SMIM36: variants seen among roughly 807,000 people sequenced by gnomAD.
The protein encoded by SMIM36 is small integral membrane protein 36.
chr17:55,478,567 A>G lies in SMIM36; in HGVS notation c.*347+195T>C, dbSNP rs190858756. On this transcript the variant is annotated intron_variant, in intron 3 of 4. Transcript: ENST00000636752. The stretch of plus-strand genomic sequence containing the variant: ...TTTATTTAGTCTTAGATCTCCAACC[A>G]TCTGGTAGGATTTAGGAATAATAGT... 8.4e-3 allele frequency among the ~76,000 whole-genome samples: 1,279 copies of G among 152,210 alleles called. 22 individuals are homozygous for G. The highest frequency in any genetic ancestry group is 0.029 in the African/African-American group (1,203 of 41,524).
chr17:55,530,740 G>A, the SMIM36 span, among the ~76,000 whole-genome samples: 2 of 152,000 alleles, frequency 1.3e-5, no homozygotes, highest in African/African-American at 2.4e-5. Context: ...CCGAGATCGT[G>A]CCACTGTACT....
chr17:55,463,198 T>C (rs752081169), intron 4 of SMIM36, among the ~76,000 whole-genome samples: 3 of 152,092 alleles, frequency 2.0e-5, no homozygotes, highest in Non-Finnish European at 4.4e-5. Flanking sequence ...ATTTTTCCTA[T>C]ACATAATGTC....
At chr17:55,529,125 T>C in the SMIM36 span, among the ~76,000 whole-genome samples, 1 of 152,186 alleles carries the variant, frequency 6.6e-6, no homozygotes. Flanking sequence ...GAAGAACTCA[T>C]AGATGTTGAC....
At chr17:55,491,557 C>T (rs4479313) in intron 1 of SMIM36, among the ~76,000 whole-genome samples, 1 of 152,112 alleles carries the variant, frequency 6.6e-6, no homozygotes, top group South Asian at 2.1e-4. Context: ...ACCTTTCAGT[C>T]TTCCTTGTAG....
At chr17:55,472,644 G>A (rs923841676) in intron 3 of SMIM36, among the ~76,000 whole-genome samples, 1 of 152,144 alleles carries the variant, frequency 6.6e-6, no homozygotes, top group African/African-American at 2.4e-5. Context: ...AGGCTGAGGC[G>A]GGCGGATCAC....
At chr17:55,516,903 G>A in the SMIM36 span, among the ~76,000 whole-genome samples, 2 of 152,082 alleles carry the variant, frequency 1.3e-5, no homozygotes, top group Non-Finnish European at 2.9e-5. Flanking sequence ...GAATTCTAAG[G>A]GGAGGTGACA....
chr17:55,485,011 A>C (rs1909580660), intron 1 of SMIM36, among the ~76,000 whole-genome samples: 1 of 152,240 alleles, frequency 6.6e-6, no homozygotes, highest in Non-Finnish European at 1.5e-5. Flanking sequence ...GATACCAAGA[A>C]ATCCTTATGT....
At chr17:55,519,466 C>G in the SMIM36 span, among the ~76,000 whole-genome samples, 1 of 152,054 alleles carries the variant, frequency 6.6e-6, no homozygotes, top group Admixed American at 6.6e-5. Context: ...AGTTGGCACA[C>G]TGGGAGGACT....
chr17:55,474,585 GT>G (rs1909398174), intron 3 of SMIM36, among the ~76,000 whole-genome samples: 1 of 152,174 alleles, frequency 6.6e-6, no homozygotes, highest in African/African-American at 2.4e-5. Context: ...CGGCACTTTG[GT>G]TTTTGTTTTT....
chr17:55,528,512 C>A, the SMIM36 span, among the ~76,000 whole-genome samples: 1 of 151,488 alleles, frequency 6.6e-6, no homozygotes, highest in African/African-American at 2.4e-5. Flanking sequence ...CCACCAAGCA[C>A]AAGCACAGCT....
At position 55,452,171 on chromosome 17, in the gene SMIM36, T is replaced by C. The variant is rs79547899; in HGVS notation, c.*532-1873A>G. 8.1e-3 allele frequency among the ~76,000 whole-genome samples: 1,234 copies of C among 152,074 alleles called. 18 individuals are homozygous for C. Among genetic ancestry groups the C allele is most frequent in the African/African-American group, 0.028 (1,169 of 41,456 alleles). Reference sequence around the variant, plus strand: ...GGCATATTTGACCCACATATGGTTTTAATAAGCCCAAGTGTATTTGGCCAT... The same window carrying C: ...GGCATATTTGACCCACATATGGTTTCAATAAGCCCAAGTGTATTTGGCCAT... On this transcript the variant is annotated intron_variant, in intron 4 of 4. Coordinates refer to ENST00000636752, the Ensembl canonical transcript of SMIM36.
intron 4 of SMIM36, among the ~76,000 whole-genome samples, 172 bp downstream of exon 4, chr17:55,466,973 G>A (rs1909250991): frequency 6.6e-6 from 1 of 152,164 alleles, no homozygotes; most frequent in Non-Finnish European, 1.5e-5. Context: ...AACAGAAGGG[G>A]GAAATGAGGC....
chr17:55,476,022 C>A (rs958501926), intron 3 of SMIM36, among the ~76,000 whole-genome samples: 1 of 152,102 alleles, frequency 6.6e-6, no homozygotes, highest in Non-Finnish European at 1.5e-5. Context: ...TTTTCGCCAC[C>A]CCAACATTTC....
intron 4 of SMIM36, among the ~76,000 whole-genome samples, chr17:55,455,668 G>A (rs1002000193): frequency 6.6e-6 from 1 of 152,044 alleles, no homozygotes; most frequent in African/African-American, 2.4e-5. Context: ...GAGCATGCCT[G>A]TGGTTTCAGC....
the SMIM36 span, among the ~76,000 whole-genome samples, chr17:55,525,070 T>A: frequency 6.6e-6 from 1 of 152,206 alleles, no homozygotes; most frequent in Admixed American, 6.5e-5. Context: ...AAGGCTTGAA[T>A]CTAGGCAGTG....
Position 55,501,422 on chromosome 17 carries a change from A to T in SMIM36, c.*174+9457T>A, listed in dbSNP as rs9748107. On this transcript the variant is annotated intron_variant, in intron 1 of 4. Coordinates refer to ENST00000636752, the Ensembl canonical transcript of SMIM36. ...TATATTATTATATATTATAAAATATAATATATTATTATATATTATAAAATA... is the reference window on the plus strand; with the variant it reads ...TATATTATTATATATTATAAAATATTATATATTATTATATATTATAAAATA... 5.8e-4 allele frequency among the ~76,000 whole-genome samples: 16 copies of T among 27,684 alleles called. 1 individual carries two copies. The highest frequency in any genetic ancestry group is 2.9e-3 in the African/African-American group (12 of 4,090). 18.2% of individuals were successfully genotyped at this position (27,684 alleles called of 152,430 possible). A position where few individuals can be genotyped will look rare whatever the true frequency, so the allele number is the denominator to read the frequency against.
intron 1 of SMIM36, among the ~76,000 whole-genome samples, chr17:55,509,680 G>A (rs1203961188): frequency 6.6e-6 from 1 of 152,176 alleles, no homozygotes; most frequent in Non-Finnish European, 1.5e-5. Context: ...TTCCACACAG[G>A]TCCTGATGGA....
At chr17:55,502,136 G>A (rs1207163735) in intron 1 of SMIM36, among the ~76,000 whole-genome samples, 24 of 149,724 alleles carry the variant, frequency 1.6e-4, no homozygotes, top group African/African-American at 5.9e-4. Context: ...AGGCGGCAGC[G>A]AGGCTGGGGG....
intron 1 of SMIM36, among the ~76,000 whole-genome samples, chr17:55,507,417 T>C (rs1910092844): frequency 7.6e-6 from 1 of 132,156 alleles, no homozygotes; most frequent in Non-Finnish European, 1.6e-5. Flanking sequence ...GATGAGTTCA[T>C]GTCCTTTGTA....
Sources: allele counts gnomAD v4.1 joint callset (sites outside exome capture counted in the v4.1 genomes callset), GRCh38; gene constraint gnomAD v4.1.1; transcripts MANE v1.5; gene names NCBI Gene and HGNC (gene_info 2026-07-23, HGNC 2026-07-21).